The following LRMDA variants were observed in gnomAD, a reference collection of about 807,000 sequenced individuals.
The protein encoded by LRMDA is leucine rich melanocyte differentiation associated, also known as leucine-rich melanocyte differentiation-associated protein.
LRMDA carries 18 observed loss-of-function variants against 29.8 expected under a neutral mutation model. The ratio of observed to expected loss-of-function variants is 0.60; its 90% confidence interval spans 0.42 to 0.90. The LOEUF is 0.90. Among genes scored for constraint, LRMDA ranks in the 40% least tolerant of loss-of-function variants. The pLI is 0.00. For missense variants in LRMDA, 273 were observed against 273.9 expected (o/e 1.00, Z 0.02); for synonymous variants, 125 against 109.4 (o/e 1.14, Z -0.89).
chr10:76,183,528 G>C (rs779078893), intron 5 of LRMDA, among the ~76,000 whole-genome samples: 8 of 152,142 alleles, frequency 5.3e-5, no homozygotes, highest in Non-Finnish European at 5.9e-5. Flanking sequence ...TCAGAAAACT[G>C]AAATCAGCTG....
rs373875826 is a variant in LRMDA at position 76,454,634 on chromosome 10, G to A, written c.602-102575G>A. 3.2e-4 allele frequency among the ~76,000 whole-genome samples: 10 copies of A among 31,374 alleles called. No individual in the cohort carries two copies. The East Asian group carries it at 7.6e-3, about 24-fold the overall frequency. 20.6% of individuals were successfully genotyped at this position (31,374 alleles called of 152,430 possible). A position where few individuals can be genotyped will look rare whatever the true frequency, so the allele number is the denominator to read the frequency against. On this transcript the variant is annotated intron_variant, in intron 6 of 6. Transcript: ENST00000611255. ...CTCACCGCCACCCCCCACCCCGCCCGACTTTGACTTCCTTTTTATTTGTAT... is the reference window on the plus strand; with the variant it reads ...CTCACCGCCACCCCCCACCCCGCCCAACTTTGACTTCCTTTTTATTTGTAT...
intron 5 of LRMDA, among the ~76,000 whole-genome samples, chr10:76,215,960 A>G (rs994768174): frequency 6.6e-6 from 1 of 152,250 alleles, no homozygotes; most frequent in African/African-American, 2.4e-5. Context: ...CAGCAAAAAG[A>G]TTTCCTTAAA....
intron 2 of LRMDA, among the ~76,000 whole-genome samples, chr10:75,697,875 C>T (rs1000547192): frequency 6.5e-5 from 8 of 123,168 alleles, no homozygotes; most frequent in Non-Finnish European, 1.0e-4. Context: ...GTCTCATTCG[C>T]GCTCTAGAAC....
At chr10:76,078,148 C>G (rs1848990882) in intron 5 of LRMDA, among the ~76,000 whole-genome samples, 1 of 151,402 alleles carries the variant, frequency 6.6e-6, no homozygotes. Flanking sequence ...GTAGCTGGGA[C>G]TACAGGCGTC....
intron 6 of LRMDA, among the ~76,000 whole-genome samples, chr10:76,395,287 G>T (rs555187260): frequency 2.0e-5 from 3 of 152,294 alleles, no homozygotes; most frequent in African/African-American, 7.2e-5. Context: ...ATCCTTGGCT[G>T]ACTCTCATAA....
intron 5 of LRMDA, among the ~76,000 whole-genome samples, chr10:76,084,448 C>A (rs568850516): frequency 3.1e-5 from 4 of 128,554 alleles, no homozygotes; most frequent in Non-Finnish European, 4.7e-5. Context: ...CTCCTGACCT[C>A]AAGTAATCTG....
chr10:75,527,866 T>C (rs776261465), intron 2 of LRMDA, among the ~76,000 whole-genome samples: 1 of 151,786 alleles, frequency 6.6e-6, no homozygotes, highest in African/African-American at 2.4e-5. Context: ...TACTGCAGCC[T>C]CGACCTTCTG....
chr10:76,118,893 G>T (rs540203828), intron 5 of LRMDA, among the ~76,000 whole-genome samples: 1 of 126,352 alleles, frequency 7.9e-6, no homozygotes, highest in Non-Finnish European at 1.6e-5. Flanking sequence ...TTGTAGTTCG[G>T]AACTTGAGGC....
intron 2 of LRMDA, among the ~76,000 whole-genome samples, chr10:75,810,697 T>C (rs930028482): frequency 1.3e-5 from 2 of 152,176 alleles, no homozygotes; most frequent in African/African-American, 4.8e-5. Flanking sequence ...GTGGCAGCTA[T>C]GAGAGACAAT....
intron 2 of LRMDA, among the ~76,000 whole-genome samples, chr10:75,611,117 A>G (rs1321569410): frequency 6.6e-6 from 1 of 151,966 alleles, no homozygotes; most frequent in Non-Finnish European, 1.5e-5. Context: ...AGGGGCAAGG[A>G]CCCCTAGAGA....
chr10:76,241,567 G>A (rs1391285922), intron 5 of LRMDA, among the ~76,000 whole-genome samples: 2 of 152,074 alleles, frequency 1.3e-5, no homozygotes, highest in African/African-American at 2.4e-5. Flanking sequence ...TAGTTTCTGT[G>A]GGCATTGACT....
intron 3 of LRMDA, 121 bp downstream of exon 3, chr10:76,036,255 G>A (rs916782322): frequency 2.0e-6 from 2 of 1,023,000 alleles, no homozygotes; most frequent in East Asian, 2.7e-5. Context: ...CTAAATTAAA[G>A]TATGTGAAAT....
At chr10:76,464,210 C>T (rs567174324) in intron 6 of LRMDA, among the ~76,000 whole-genome samples, 6 of 152,184 alleles carry the variant, frequency 3.9e-5, no homozygotes, top group South Asian at 4.2e-4. Flanking sequence ...TAAGCCGCTG[C>T]GCCCGGCAGA....
chr10:76,479,526 T>C (rs1458527110), intron 6 of LRMDA, among the ~76,000 whole-genome samples: 2 of 151,866 alleles, frequency 1.3e-5, no homozygotes, highest in Non-Finnish European at 2.9e-5. Flanking sequence ...GAGAAGGGGC[T>C]AGGGAGCCTT....
intron 2 of LRMDA, among the ~76,000 whole-genome samples, chr10:75,507,966 G>A (rs1845187143): frequency 1.3e-5 from 2 of 152,184 alleles, no homozygotes; most frequent in African/African-American, 4.8e-5. Context: ...TGCTAGTATA[G>A]TTTTAATTGT....
At chr10:75,918,738 G>A (rs1446359779) in intron 2 of LRMDA, among the ~76,000 whole-genome samples, 2 of 152,206 alleles carry the variant, frequency 1.3e-5, no homozygotes, top group Non-Finnish European at 2.9e-5. Context: ...GTGGAGAAGA[G>A]GGGCTTTGAC....
chr10:75,470,309 C>A (rs1402833613), intron 2 of LRMDA, among the ~76,000 whole-genome samples: 1 of 152,162 alleles, frequency 6.6e-6, no homozygotes, highest in Non-Finnish European at 1.5e-5. Context: ...CCAGCCTGGG[C>A]AACATGGCAA....
At chr10:76,384,459 A>C (rs1468866314) in intron 6 of LRMDA, among the ~76,000 whole-genome samples, 1 of 152,188 alleles carries the variant, frequency 6.6e-6, no homozygotes, top group Non-Finnish European at 1.5e-5. Context: ...CTGTCTGTCT[A>C]ATATCCAATT....
At chr10:76,411,649 C>T (rs761767731) in intron 6 of LRMDA, among the ~76,000 whole-genome samples, 1 of 152,212 alleles carries the variant, frequency 6.6e-6, no homozygotes, top group African/African-American at 2.4e-5. Flanking sequence ...AAAGCACATT[C>T]ATTATCATGT....
Sources: allele counts gnomAD v4.1 joint callset (sites outside exome capture counted in the v4.1 genomes callset), GRCh38; gene constraint gnomAD v4.1.1; transcripts MANE v1.5; gene names NCBI Gene and HGNC (gene_info 2026-07-23, HGNC 2026-07-21).